Variants in AIFM3 observed in about 807,000 individuals in gnomAD.
The protein encoded by AIFM3 is AIF family member 3, also known as apoptosis-inducing factor 3.
In AIFM3, 71 loss-of-function variants were observed where a neutral mutation model predicts 82.7. The observed-to-expected ratio is 0.86, with a 90% CI of 0.71 to 1.05. The LOEUF (loss-of-function observed/expected upper bound fraction) is 1.05, where lower values mean the gene tolerates loss of function less well. Ranked by LOEUF, AIFM3 falls within the 50% of genes least tolerant of loss-of-function variation. AIFM3 has a pLI of 0.00. For missense variants in AIFM3, 748 were observed against 816.7 expected (o/e 0.92, Z 1.03); for synonymous variants, 337 against 329.1 (o/e 1.02, Z -0.26).
chr22:20,975,777 A>G lies in AIFM3; in HGVS notation c.806A>G (p.Gln269Arg). The change falls in exon 9 of 21, where the codon CAG becomes CGG. Residue 269 changes from glutamine to arginine, a missense_variant and splice_region_variant. By Grantham distance (43) the Gln-to-Arg change is conservative (BLOSUM62 1). Transcript: ENST00000440238. ...AYGIEVLTEA[Q>R]VVTVDVRTKK... ...GGCATCGAGGTGCTCACCGAGGCTC[A>G]GGTACAGGGTCAAGGGTGGGAAACA... The G allele has an allele frequency of 6.2e-7, 1 of 1,612,068 alleles. No individual in the cohort carries two copies. The highest frequency in any genetic ancestry group is 8.5e-7 in the Non-Finnish European group (1 of 1,179,942).
At chr22:20,973,663 C>G in intron 3 of AIFM3, 95 bp from the exon 4 acceptor site, 1 of 1,411,446 alleles carries the variant, frequency 7.1e-7, no homozygotes, top group Non-Finnish European at 9.6e-7. Flanking sequence ...TTCTACCGGT[C>G]TGGGCCTGCT....
rs1482804215 is a variant in AIFM3, at chr22:20,968,049, C to T, written c.31+74C>T. 7.0e-5 allele frequency: 103 copies of T among 1,480,494 alleles called. 1 individual carries two copies. Among genetic ancestry groups the T allele is most frequent in the Non-Finnish European group, 9.1e-5 (99 of 1,090,140 alleles). 91.7% of individuals were successfully genotyped at this position (1,480,494 alleles called of 1,614,324 possible). ...CTCCTCCCCCGTCTCCCCCCCCTCC[C>T]CCTCTGCACTCGGTAGGCCTCCGAA... On this transcript the variant is annotated intron_variant, in intron 2 of 20. Transcript: ENST00000440238.
intron 18 of AIFM3, 139 bp downstream of exon 18, chr22:20,979,841 C>T: frequency 8.0e-7 from 1 of 1,246,298 alleles, no homozygotes; most frequent in Non-Finnish European, 1.1e-6. Flanking sequence ...TAGGAAAGCC[C>T]GAAGCTTGTG....
intron 2 of AIFM3, among the ~76,000 whole-genome samples, chr22:20,971,553 C>A (rs944021681): frequency 1.3e-5 from 2 of 152,204 alleles, no homozygotes; most frequent in Non-Finnish European, 1.5e-5. Flanking sequence ...GCAGCCCCAG[C>A]CCAGGGGACA....
At chr22:20,978,108 T>TG in intron 16 of AIFM3, 103 bp downstream of exon 16, 1 of 1,090,154 alleles carries the variant, frequency 9.2e-7, no homozygotes, top group Non-Finnish European at 1.4e-6. Context: ...CTGGACACTG[T>TG]TAGGCATCAA....
rs1262026634 is a variant in AIFM3, at chr22:20,973,813, G to T, written c.301G>T (p.Glu101Ter). The T allele has an allele frequency of 1.9e-6, 3 of 1,583,768 alleles. No homozygotes were observed. The highest frequency in any genetic ancestry group is 1.3e-5 in the African/African-American group (1 of 74,408). Residue 101 changes from glutamate (E) to a stop codon, truncating the protein, a stop_gained, in exon 4 of 21, where the codon GAG (glutamate) becomes TAG (stop). Coordinates refer to ENST00000440238, the MANE Select transcript of AIFM3 (RefSeq NM_001386814.1). LOFTEE classifies it high-confidence loss of function. ...GGTGTTGCTGGTGAAGGACAATGGG[G>T]AGTTCCACGCCCTGGGCCATAAGTG... ...GKVLLVKDNG[E>*]FHALGHKCPH...
intron 17 of AIFM3, 36 bp from the exon 18 acceptor site, chr22:20,979,591 G>C: frequency 6.2e-7 from 1 of 1,612,746 alleles, no homozygotes; most frequent in Non-Finnish European, 8.5e-7. Context: ...CCCTCCCCCG[G>C]CTCACGTGGG....
Position 20,974,030 on chromosome 22 carries a change from T to G in AIFM3, c.356-33T>G, listed in dbSNP as rs1440054143. ...GAGATCCTTGGGAAGCAACCCCTGC[T>G]GGTGGGCGCAGCCTAACACCTCCCC... On this transcript the variant is annotated intron_variant, in intron 4 of 20. Transcript: ENST00000440238. The G allele has an allele frequency of 4.4e-6, 7 of 1,573,224 alleles. No individual in the cohort carries two copies. The Admixed American group carries it at 1.3e-4, about 29-fold the overall frequency.
intron 9 of AIFM3, 48 bp from the exon 10 acceptor site, chr22:20,976,167 G>A (rs1179541236): frequency 7.1e-7 from 1 of 1,406,294 alleles, no homozygotes; most frequent in Non-Finnish European, 9.4e-7. Flanking sequence ...TGGGCGGCGA[G>A]GCCCAGCCCC....
intron 2 of AIFM3, among the ~76,000 whole-genome samples, chr22:20,968,858 AT>A (rs1923088056): frequency 6.6e-6 from 1 of 152,052 alleles, no homozygotes; most frequent in Non-Finnish European, 1.5e-5. Flanking sequence ...CCCTTACCTG[AT>A]ACCCATCAGC....
chr22:20,978,095 G>T, intron 16 of AIFM3, 90 bp downstream of exon 16: 4 of 1,192,050 alleles, frequency 3.4e-6, no homozygotes, highest in East Asian at 2.6e-5. Flanking sequence ...CTGACCTTGG[G>T]TCCTGGACAC....
intron 13 of AIFM3, 44 bp downstream of exon 13, chr22:20,976,982 C>G: frequency 3.7e-6 from 6 of 1,614,140 alleles, no homozygotes; most frequent in Non-Finnish European, 5.1e-6. Flanking sequence ...GTCCTCTGTC[C>G]CCTGAGCCTG....
At chr22:20,966,243 G>C (rs375400066), upstream of AIFM3, among the ~76,000 whole-genome samples, 959 of 151,642 alleles carry the variant, frequency 6.3e-3, 17 homozygotes, top group East Asian at 0.065. Flanking sequence ...AAGGAAGCGG[G>C]CAGGGCTGAA....
chr22:20,974,967 G>C, intron 8 of AIFM3, 151 bp downstream of exon 8: 1 of 759,008 alleles, frequency 1.3e-6, no homozygotes. Flanking sequence ...ATCTAGATTT[G>C]TTGTTGTTGT....
At chr22:20,977,512 G>A (rs1651349134) in intron 14 of AIFM3, 188 bp from the exon 15 acceptor site, 9 of 660,326 alleles carry the variant, frequency 1.4e-5, no homozygotes, top group Non-Finnish European at 2.4e-5. Context: ...TGATATCTGA[G>A]GTCTTGCGGG....
At chr22:20,975,628 C>T (rs1923590731) in intron 8 of AIFM3, 64 bp from the exon 9 acceptor site, 1 of 1,550,910 alleles carries the variant, frequency 6.4e-7, no homozygotes, top group Admixed American at 1.7e-5. Context: ...CTGGCCCCAC[C>T]TTCCCTGGGC....
At position 20,974,547 on chromosome 22, in the gene AIFM3, C is replaced by T; in HGVS notation, c.533C>T (p.Thr178Ile). 3 of 1,613,324 alleles carry T rather than the reference C, an allele frequency of 1.9e-6. No homozygotes were observed. The highest frequency in any genetic ancestry group is 2.5e-6 in the Non-Finnish European group (3 of 1,179,750). The change falls in exon 7 of 21, where the codon ACC becomes ATC. Residue 178 changes from threonine (T) to isoleucine (I), a missense_variant. Physicochemically the swap from Thr to Ile is moderately conservative, Grantham distance 89. Coordinates refer to ENST00000440238, the MANE Select transcript of AIFM3 (RefSeq NM_001386814.1). Reference protein sequence around the residue: ...SKQALQLQRRTKVMAKCISPS... With the variant: ...SKQALQLQRRIKVMAKCISPS... ...CAGGCCCTACAGCTGCAGCGAAGGA[C>T]CAAGGTGATGGCCAAGTGTATCTCT...
chr22:20,979,004 C>A (rs893919911), intron 16 of AIFM3, among the ~76,000 whole-genome samples: 4 of 152,158 alleles, frequency 2.6e-5, no homozygotes, highest in Non-Finnish European at 4.4e-5. Flanking sequence ...ACTCCCCCAA[C>A]CCCAAGAAGC....
chr22:20,969,139 G>A (rs747134888), intron 2 of AIFM3, among the ~76,000 whole-genome samples: 15 of 152,194 alleles, frequency 9.9e-5, no homozygotes, highest in East Asian at 3.9e-4. Context: ...CATACCAGGC[G>A]TCTGTGGCAC....
Sources: allele counts gnomAD v4.1 joint callset (sites outside exome capture counted in the v4.1 genomes callset), GRCh38; gene constraint gnomAD v4.1.1; transcripts MANE v1.5; gene names NCBI Gene and HGNC (gene_info 2026-07-23, HGNC 2026-07-21).